The following CHRM3 variants were observed in gnomAD, a reference collection of about 807,000 sequenced individuals.
CHRM3 encodes the protein cholinergic receptor muscarinic 3.
CHRM3 carries 11 observed loss-of-function variants against 41.8 expected under a neutral mutation model. The observed-to-expected ratio is 0.26, with a 90% CI of 0.17 to 0.44. CHRM3 has a LOEUF of 0.44. CHRM3 is among the 20% of genes least tolerant of loss of function. CHRM3 has a pLI of 1.00. For synonymous variants in CHRM3, 297 were observed against 301.4 expected (o/e 0.99, Z 0.15); for missense variants, 571 against 745.4 (o/e 0.77, Z 2.72).
chr1:239,690,073 A>C (rs2147972705), intron 5 of CHRM3, among the ~76,000 whole-genome samples: 1 of 139,580 alleles, frequency 7.2e-6, no homozygotes, highest in South Asian at 2.3e-4. Flanking sequence ...AGAGACAGAG[A>C]GAGTTGTTGG....
At chr1:239,445,460 G>A (rs190058660) in intron 1 of CHRM3, among the ~76,000 whole-genome samples, 10 of 152,270 alleles carry the variant, frequency 6.6e-5, no homozygotes, top group South Asian at 2.1e-4. Context: ...GAAACAGGAC[G>A]GCATTAATGT....
At chr1:239,568,842 A>C (rs1480932224) in intron 3 of CHRM3, among the ~76,000 whole-genome samples, 1 of 152,138 alleles carries the variant, frequency 6.6e-6, no homozygotes, top group Non-Finnish European at 1.5e-5. Context: ...GTCTCTACTC[A>C]CTGAGAGAAC....
At chr1:239,497,736 T>C (rs1245179232) in intron 2 of CHRM3, among the ~76,000 whole-genome samples, 2 of 152,170 alleles carry the variant, frequency 1.3e-5, no homozygotes, top group Non-Finnish European at 2.9e-5. Context: ...TGCCAATAAT[T>C]TGAGAAGATC....
chr1:239,523,596 C>T (rs565890133), intron 2 of CHRM3, among the ~76,000 whole-genome samples: 2 of 152,228 alleles, frequency 1.3e-5, no homozygotes, highest in Non-Finnish European at 2.9e-5. Flanking sequence ...CATTGGATGA[C>T]CCTCTCTTGT....
intron 4 of CHRM3, among the ~76,000 whole-genome samples, chr1:239,670,131 A>G (rs1674211852): frequency 6.6e-6 from 1 of 152,198 alleles, no homozygotes; most frequent in Non-Finnish European, 1.5e-5. Context: ...TCTTTAGTGT[A>G]TATTTGGATG....
chr1:239,608,730 G>GA (rs372696744), intron 3 of CHRM3, among the ~76,000 whole-genome samples: 4 of 152,068 alleles, frequency 2.6e-5, no homozygotes, highest in African/African-American at 9.7e-5. Context: ...TAACTCTGGA[G>GA]AAAAAATGGC....
chr1:239,655,715 A>G lies in CHRM3; in HGVS notation c.-249-22471A>G, dbSNP rs529391681. ...TTCATTATCCTGGACAATCAGTATA[A>G]TATCAGTGTAATCTTGAAACACCTC... On this transcript the variant is annotated intron_variant, in intron 4 of 6. Coordinates refer to ENST00000676153, the MANE Select transcript of CHRM3 (RefSeq NM_001375978.1). Among the ~76,000 whole-genome samples, 5 of 152,316 alleles carry G rather than the reference A, an allele frequency of 3.3e-5. No individual in the cohort carries two copies. In the South Asian group the frequency reaches 1.0e-3, roughly 32 times the overall value.
At chr1:239,817,535 A>G (rs1186622713) in intron 5 of CHRM3, among the ~76,000 whole-genome samples, 1 of 151,918 alleles carries the variant, frequency 6.6e-6, no homozygotes, top group East Asian at 1.9e-4. Flanking sequence ...CAAAGGCATG[A>G]GGAAGCTTCC....
At chr1:239,582,490 G>C (rs1387035370) in intron 3 of CHRM3, among the ~76,000 whole-genome samples, 2 of 152,118 alleles carry the variant, frequency 1.3e-5, no homozygotes, top group Non-Finnish European at 2.9e-5. Flanking sequence ...GGTGGCTTCA[G>C]TTGGCAGCCC....
At chr1:239,438,402 G>A (rs763460908) in intron 1 of CHRM3, among the ~76,000 whole-genome samples, 2 of 152,164 alleles carry the variant, frequency 1.3e-5, no homozygotes, top group Non-Finnish European at 2.9e-5. Context: ...CTAATAAAGA[G>A]CAAGATTCTG....
intron 6 of CHRM3, among the ~76,000 whole-genome samples, chr1:239,859,236 A>G (rs1424596861): frequency 1.3e-5 from 2 of 152,090 alleles, no homozygotes; most frequent in Admixed American, 1.3e-4. Flanking sequence ...GTTTTTTCAC[A>G]TCCTCACTAA....
In CHRM3 at chr1:239,563,555, A is replaced by T. The variant is rs180851800; in HGVS notation, c.-313+17806A>T. Among the ~76,000 whole-genome samples, 471 of 152,322 alleles carry T rather than the reference A, an allele frequency of 3.1e-3. 3 individuals carry two copies. The highest frequency in any genetic ancestry group is 0.011 in the African/African-American group (450 of 41,584). On this transcript the variant is annotated intron_variant, in intron 3 of 6. Coordinates refer to ENST00000676153, the MANE Select transcript of CHRM3 (RefSeq NM_001375978.1). ...AAAGATTTTTCAATAATCATGAAGA[A>T]TTCCAAATAGGTTCACAGAATCTAG...
At chr1:239,593,210 T>C (rs1056207134) in intron 3 of CHRM3, among the ~76,000 whole-genome samples, 4 of 152,228 alleles carry the variant, frequency 2.6e-5, no homozygotes, top group African/African-American at 9.6e-5. Context: ...ACCTTATACT[T>C]TTTTAAGCAT....
At chr1:239,874,324 TATAC>T (rs1364933173) in intron 6 of CHRM3, among the ~76,000 whole-genome samples, 1 of 118,572 alleles carries the variant, frequency 8.4e-6, no homozygotes, top group African/African-American at 3.0e-5. Context: ...TATATATATA[TATAC>T]ACAGTTGACC....
chr1:239,798,526 CCA>C (rs1052716066), intron 5 of CHRM3, among the ~76,000 whole-genome samples: 6 of 152,130 alleles, frequency 3.9e-5, no homozygotes, highest in African/African-American at 9.7e-5. Context: ...TGCTGAATGA[CCA>C]CACAGTAGAC....
Position 239,422,589 on chromosome 1 carries a change from A to G in CHRM3, c.-521+35362A>G, listed in dbSNP as rs534177939. On this transcript the variant is annotated intron_variant, in intron 1 of 6. Transcript: ENST00000676153. ...GGCAGGCGGATCATGAGGTCAGGAG[A>G]TAGAGACCACCCTGGCTAACACAGT... Among the ~76,000 whole-genome samples the G allele has an allele frequency of 1.7e-3, 254 of 152,166 alleles. 1 individual carries two copies. The highest frequency in any genetic ancestry group is 5.6e-3 in the African/African-American group (234 of 41,508).
intron 5 of CHRM3, among the ~76,000 whole-genome samples, chr1:239,711,447 T>C (rs1661779178): frequency 6.6e-6 from 1 of 152,040 alleles, no homozygotes; most frequent in Non-Finnish European, 1.5e-5. Flanking sequence ...AGCCCAAAGA[T>C]TTAATAAATC....
chr1:239,733,153 G>A (rs1477954736), intron 5 of CHRM3, among the ~76,000 whole-genome samples: 1 of 151,950 alleles, frequency 6.6e-6, no homozygotes, highest in Admixed American at 6.6e-5. Flanking sequence ...ATTTAATCAG[G>A]TTGACTAAAT....
chr1:239,524,357 C>T (rs1027223106), intron 2 of CHRM3, among the ~76,000 whole-genome samples: 1 of 152,058 alleles, frequency 6.6e-6, no homozygotes, highest in Non-Finnish European at 1.5e-5. Context: ...ATTTAGGTAA[C>T]CTGTTCTCCA....
Sources: gnomAD v4.1 joint callset for allele counts (sites outside exome capture counted in the v4.1 genomes callset) on GRCh38, gnomAD v4.1.1 for gene constraint, MANE v1.5 for transcripts, NCBI Gene and HGNC (gene_info 2026-07-23, HGNC 2026-07-21) for gene names.